NGEF: variants seen among roughly 807,000 people sequenced by gnomAD.
NGEF encodes ephexin-1.
A neutral mutation model predicts 80.9 loss-of-function variants in NGEF; 31 were observed. That is an observed-to-expected ratio of 0.38 (90% CI 0.29 to 0.52). The LOEUF is 0.52. Ranked by LOEUF, NGEF falls within the 20% of genes least tolerant of loss-of-function variation. NGEF has a pLI of 0.84. For missense variants in NGEF, 709 were observed against 926.2 expected (o/e 0.77, Z 3.04); for synonymous variants, 371 against 370.2 (o/e 1.00, Z -0.03).
At chr2:232,933,552 G>T (rs772033159) in intron 3 of NGEF, among the ~76,000 whole-genome samples, 4 of 152,266 alleles carry the variant, frequency 2.6e-5, no homozygotes, top group Admixed American at 2.6e-4. Flanking sequence ...TCCCCTCCTT[G>T]CTCAAACATC....
chr2:232,899,725 TAC>T (rs1282711814), intron 5 of NGEF, among the ~76,000 whole-genome samples: 13 of 144,004 alleles, frequency 9.0e-5, no homozygotes, highest in African/African-American at 2.9e-4. Flanking sequence ...GTCACTCATA[TAC>T]ACGTTCACTC....
chr2:232,899,891 T>TTC (rs1692238933), intron 5 of NGEF, among the ~76,000 whole-genome samples: 3 of 90,356 alleles, frequency 3.3e-5, no homozygotes, highest in African/African-American at 4.6e-5. Flanking sequence ...TTCACTCACA[T>TTC]TCACACACAT....
intron 3 of NGEF, among the ~76,000 whole-genome samples, chr2:232,959,641 G>A (rs56162063): frequency 0.22 from 32,508 of 150,046 alleles, 4,704 homozygotes; most frequent in Non-Finnish European, 0.31. Context: ...GTGCAATGGC[G>A]CAATCTTGGC....
At chr2:232,910,824 G>C (rs1480862042) in intron 5 of NGEF, among the ~76,000 whole-genome samples, 1 of 152,164 alleles carries the variant, frequency 6.6e-6, no homozygotes, top group Non-Finnish European at 1.5e-5. Flanking sequence ...TAAGTCTTTT[G>C]ACCATTTTTA....
In NGEF at chr2:232,892,981, G is replaced by A. The variant is rs1292642372; in HGVS notation, c.1059C>T (p.Tyr353=). Residue 353 remains tyrosine, a synonymous_variant, in exon 7 of 15, where the codon TAC becomes TAT. Coordinates refer to ENST00000264051, the MANE Select transcript of NGEF (RefSeq NM_019850.3). This position sits in a 1 kb window ranked among gnomAD's most constrained non-coding sequence, Gnocchi z 4.0. The stretch of plus-strand genomic sequence containing the variant: ...CAGAGAAGTGGTCGGCCGCATAACG[G>A]TACACAATGTCACACACGTCAGAGA... The part of the protein sequence containing the change: ...IVISDVCDIV[Y]RYAADHFSVY... 10 of 1,613,556 alleles carry A rather than the reference G, an allele frequency of 6.2e-6. No homozygotes were observed. Among genetic ancestry groups the A allele is most frequent in the Non-Finnish European group, 8.5e-6 (10 of 1,179,922 alleles).
chr2:232,943,588 C>T (rs55920964), intron 3 of NGEF, among the ~76,000 whole-genome samples: 4 of 151,604 alleles, frequency 2.6e-5, no homozygotes, highest in East Asian at 2.0e-4. Context: ...CTCCGCCTCC[C>T]GGGTTCACGC....
In NGEF at chr2:232,966,743, T is replaced by C. The variant is rs555783835; in HGVS notation, c.383+3471A>G. Among the ~76,000 whole-genome samples, 13 of 152,330 alleles carry C rather than the reference T, an allele frequency of 8.5e-5. No individual in the cohort carries two copies. In the South Asian group the frequency reaches 2.7e-3, roughly 32 times the overall value. The stretch of plus-strand genomic sequence containing the variant: ...CAGAGAGCCACTGTCCTGAGACTCC[T>C]TCTCTCTTTACTACCAGGGCCCTTC... On this transcript the variant is annotated intron_variant, in intron 3 of 14. Transcript: ENST00000264051.
Position 233,007,041 on chromosome 2 carries a change from C to T in NGEF, c.-75+6027G>A, listed in dbSNP as rs183819395. ...GGCTGATCACTTGAGTCCAGGAGTT[C>T]GAGACCAGCCTGGTCAACATGGAGA... On this transcript the variant is annotated intron_variant, in intron 1 of 14. Transcript: ENST00000264051. Among the ~76,000 whole-genome samples the T allele has an allele frequency of 1.8e-3, 280 of 152,198 alleles. 2 individuals are homozygous for T. The East Asian group carries it at 0.02, about 11-fold the overall frequency.
chr2:232,888,403 C>T (rs1691768909), intron 8 of NGEF, among the ~76,000 whole-genome samples: 2 of 151,944 alleles, frequency 1.3e-5, no homozygotes, highest in African/African-American at 4.8e-5. Flanking sequence ...AGCACACGTG[C>T]ACACATGCAT....
At chr2:232,949,036 A>G (rs1282300454) in intron 3 of NGEF, among the ~76,000 whole-genome samples, 18 of 135,314 alleles carry the variant, frequency 1.3e-4, no homozygotes, top group Admixed American at 1.3e-3. Context: ...CCCCCAAAAA[A>G]AACAAACAAA....
At chr2:232,952,996 A>AC (rs1693709850) in intron 3 of NGEF, among the ~76,000 whole-genome samples, 3 of 130,408 alleles carry the variant, frequency 2.3e-5, no homozygotes, top group Admixed American at 7.9e-5. Flanking sequence ...AAAAAAAAAA[A>AC]AACAACAAAA....
chr2:232,904,276 A>G (rs1293270845), intron 5 of NGEF, among the ~76,000 whole-genome samples: 2 of 152,068 alleles, frequency 1.3e-5, no homozygotes, highest in East Asian at 3.8e-4. Flanking sequence ...CAGCCCACCA[A>G]GACCAGGGAC....
intron 4 of NGEF, among the ~76,000 whole-genome samples, chr2:232,921,062 A>G (rs894524714): frequency 2.0e-5 from 3 of 152,216 alleles, no homozygotes; most frequent in African/African-American, 7.2e-5. Context: ...GCATTTCATC[A>G]ATCTTATGAT....
intron 1 of NGEF, among the ~76,000 whole-genome samples, chr2:233,003,088 T>C (rs1315555729): frequency 1.3e-5 from 2 of 152,190 alleles, no homozygotes; most frequent in Non-Finnish European, 2.9e-5. Flanking sequence ...CTGCAGTCCT[T>C]TTTAGCTGAC....
chr2:232,999,274 A>G (rs937340553), intron 1 of NGEF, among the ~76,000 whole-genome samples: 9 of 152,174 alleles, frequency 5.9e-5, no homozygotes, highest in African/African-American at 2.2e-4. Flanking sequence ...TTTGGTGTAT[A>G]AAGAATCAAC....
rs761339622 is a variant in NGEF at position 232,879,364 on chromosome 2, G to T, written c.*125C>A. 2 of 956,700 alleles carry T rather than the reference G, an allele frequency of 2.1e-6. No individual in the cohort carries two copies. The highest frequency in any genetic ancestry group is 4.9e-5 in the East Asian group (2 of 40,576). 59.3% of individuals were successfully genotyped at this position (956,700 alleles called of 1,614,324 possible). A position where few individuals can be genotyped will look rare whatever the true frequency, so the allele number is the denominator to read the frequency against. On this transcript the variant is annotated 3_prime_UTR_variant, in exon 15 of 15. Transcript: ENST00000264051. The stretch of plus-strand genomic sequence containing the variant: ...CACTGCGTGGGCAGGGATGAGGGCC[G>T]GGCACCCCAAGCCAGATCCTGCCAC...
At chr2:232,914,534 C>G (rs1338568514) in intron 5 of NGEF, among the ~76,000 whole-genome samples, 1 of 151,970 alleles carries the variant, frequency 6.6e-6, no homozygotes, top group Non-Finnish European at 1.5e-5. Context: ...GAAACCCTAT[C>G]TCTACCAAAA....
rs184574972 is a variant in NGEF, at chr2:232,967,490, A to T, written c.383+2724T>A. Reference sequence around the variant, plus strand: ...GCTGGGATTACAGGCATGTACTACCATCCCGGACTTATTTTTGTATTTTTA... The same window carrying T: ...GCTGGGATTACAGGCATGTACTACCTTCCCGGACTTATTTTTGTATTTTTA... On this transcript the variant is annotated intron_variant, in intron 3 of 14. Transcript: ENST00000264051. Among the ~76,000 whole-genome samples, 708 of 125,396 alleles carry T rather than the reference A, an allele frequency of 5.6e-3. 7 individuals are homozygous for T. The highest frequency in any genetic ancestry group is 0.019 in the African/African-American group (673 of 34,978). 82.3% of individuals were successfully genotyped at this position (125,396 alleles called of 152,430 possible). A position where few individuals can be genotyped will look rare whatever the true frequency, so the allele number is the denominator to read the frequency against.
chr2:232,909,906 T>A (rs1692656635), intron 5 of NGEF, among the ~76,000 whole-genome samples: 2 of 152,262 alleles, frequency 1.3e-5, no homozygotes, highest in Non-Finnish European at 2.9e-5. Context: ...CTCAACAAGA[T>A]GCCTTTGAGA....
Sources: allele counts gnomAD v4.1 joint callset (sites outside exome capture counted in the v4.1 genomes callset), GRCh38; gene constraint gnomAD v4.1.1; non-coding constraint Gnocchi (gnomAD v3.1); transcripts MANE v1.5; gene names NCBI Gene and HGNC (gene_info 2026-07-23, HGNC 2026-07-21).